Variants in BCAP29 observed in about 807,000 individuals in gnomAD.
BCAP29 encodes B-cell receptor-associated protein 29.
BCAP29 carries 34 observed loss-of-function variants against 31.8 expected under a neutral mutation model. That is an observed-to-expected ratio of 1.07 (90% CI 0.81 to 1.42). The LOEUF (loss-of-function observed/expected upper bound fraction) is 1.42, where lower values mean the gene tolerates loss of function less well. BCAP29 is among the 40% of genes most tolerant of loss of function. The pLI is 0.00. For missense variants in BCAP29, 314 were observed against 269.2 expected (o/e 1.17, Z -1.16); for synonymous variants, 104 against 91.3 (o/e 1.14, Z -0.79).
chr7:107,598,137 A>G (rs894739502), intron 5 of BCAP29, among the ~76,000 whole-genome samples: 2 of 152,222 alleles, frequency 1.3e-5, no homozygotes, highest in African/African-American at 4.8e-5. Flanking sequence ...TTCCAAGTCA[A>G]TGGCATGAAA....
At chr7:107,588,915 G>A (rs1808209199) in intron 3 of BCAP29, among the ~76,000 whole-genome samples, 1 of 152,186 alleles carries the variant, frequency 6.6e-6, no homozygotes, top group Non-Finnish European at 1.5e-5. Context: ...GCAAGGCTGA[G>A]AAGAAATTTT....
chr7:107,602,862 A>G (rs1203821791), intron 6 of BCAP29, among the ~76,000 whole-genome samples: 1 of 151,882 alleles, frequency 6.6e-6, no homozygotes, highest in Non-Finnish European at 1.5e-5. Context: ...TAGCACAGAC[A>G]TTGCATTTAG....
intron 6 of BCAP29, among the ~76,000 whole-genome samples, chr7:107,606,971 A>G (rs1040096862): frequency 2.0e-5 from 3 of 152,212 alleles, no homozygotes; most frequent in Non-Finnish European, 4.4e-5. Context: ...GAAAAAGAGC[A>G]GTCTCCTGAG....
chr7:107,610,079 G>A (rs1309030875), intron 6 of BCAP29, among the ~76,000 whole-genome samples: 1 of 152,156 alleles, frequency 6.6e-6, no homozygotes, highest in Non-Finnish European at 1.5e-5. Flanking sequence ...AAATAGTTCC[G>A]TAAGTGAACG....
At chr7:107,607,532 T>C (rs576261425) in intron 6 of BCAP29, among the ~76,000 whole-genome samples, 1 of 152,074 alleles carries the variant, frequency 6.6e-6, no homozygotes, top group African/African-American at 2.4e-5. Context: ...TTTTACTATA[T>C]CATATTATTA....
At position 107,618,696 on chromosome 7, in the gene BCAP29, G is replaced by T; in HGVS notation, c.*333G>T. The T allele has an allele frequency of 1.0e-6, 1 of 998,494 alleles. No individual in the cohort carries two copies. Among genetic ancestry groups the T allele is most frequent in the Non-Finnish European group, 1.4e-6 (1 of 690,504 alleles). 61.9% of individuals were successfully genotyped at this position (998,494 alleles called of 1,614,324 possible). On this transcript the variant is annotated 3_prime_UTR_variant, in exon 8 of 8. Coordinates refer to ENST00000005259, the MANE Select transcript of BCAP29 (RefSeq NM_018844.4). ...CAAAATTAGAAGTTTTAAGTTGCATGAAACCATTAATAGCCTTGAAAGCTT... is the reference window on the plus strand; with the variant it reads ...CAAAATTAGAAGTTTTAAGTTGCATTAAACCATTAATAGCCTTGAAAGCTT...
rs189218179 is a variant in BCAP29 at position 107,610,840 on chromosome 7, A to G, written c.590-2492A>G. 5.3e-4 allele frequency among the ~76,000 whole-genome samples: 80 copies of G among 152,334 alleles called. 1 individual carries two copies. The highest frequency in any genetic ancestry group is 1.8e-3 in the African/African-American group (74 of 41,572). On this transcript the variant is annotated intron_variant, in intron 6 of 7. Transcript: ENST00000005259. ...ATTAAATTTATTAAATAACTTCTTA[A>G]TGTCAGAAATTCAAGTATAAATTGT...
intron 3 of BCAP29, among the ~76,000 whole-genome samples, chr7:107,589,239 C>T (rs376914303): frequency 3.9e-5 from 6 of 152,074 alleles, no homozygotes; most frequent in Admixed American, 6.6e-5. Context: ...GGGATGGTTT[C>T]GGGATGATTC....
chr7:107,600,539 C>G, intron 6 of BCAP29, 34 bp downstream of exon 6: 1 of 1,304,984 alleles, frequency 7.7e-7, no homozygotes, highest in Non-Finnish European at 1.1e-6. Flanking sequence ...AGTAAAAAGA[C>G]TAGCATGATA....
chr7:107,615,104 G>A (rs557579929), intron 7 of BCAP29: 117 of 417,074 alleles, frequency 2.8e-4, no homozygotes, highest in Non-Finnish European at 4.6e-4. Context: ...AGTTTCTTAT[G>A]GCCAGTGTCC....
chr7:107,599,053 A>G (rs1279588576), intron 5 of BCAP29, among the ~76,000 whole-genome samples: 2 of 135,586 alleles, frequency 1.5e-5, no homozygotes, highest in African/African-American at 5.6e-5. Context: ...TATATATAAA[A>G]TATATTTATA....
chr7:107,593,915 G>C, intron 3 of BCAP29, 40 bp from the exon 4 acceptor site: 2 of 1,541,358 alleles, frequency 1.3e-6, no homozygotes, highest in Non-Finnish European at 1.7e-6. Context: ...GCTTATATTC[G>C]TAAAAGCCAA....
intron 6 of BCAP29, among the ~76,000 whole-genome samples, chr7:107,604,340 C>T (rs1381901199): frequency 1.3e-5 from 2 of 151,946 alleles, no homozygotes; most frequent in Non-Finnish European, 2.9e-5. Flanking sequence ...AGTGTTTTTC[C>T]AGAGAAATTG....
intron 3 of BCAP29, chr7:107,587,663 A>G (rs985837530): frequency 1.3e-5 from 2 of 152,186 alleles, no homozygotes; most frequent in African/African-American, 4.8e-5. Flanking sequence ...TTAAGAGACT[A>G]CTTTATATAA....
At chr7:107,590,192 T>A (rs1434408342) in intron 3 of BCAP29, among the ~76,000 whole-genome samples, 1 of 152,216 alleles carries the variant, frequency 6.6e-6, no homozygotes, top group African/African-American at 2.4e-5. Flanking sequence ...AAATCGGTGA[T>A]TTTAGTTTCC....
intron 6 of BCAP29, among the ~76,000 whole-genome samples, chr7:107,610,702 G>A (rs1431140659): frequency 6.6e-6 from 1 of 152,106 alleles, no homozygotes; most frequent in African/African-American, 2.4e-5. Flanking sequence ...GTCTGCATTT[G>A]TTCCGTTAAT....
chr7:107,587,540 C>T (rs1318813295), intron 3 of BCAP29: 1 of 151,934 alleles, frequency 6.6e-6, no homozygotes, highest in Non-Finnish European at 1.5e-5. Flanking sequence ...TATATATTAT[C>T]TTTGTTGGTT....
chr7:107,595,691 G>C (rs1183899044), intron 4 of BCAP29, 176 bp from the exon 5 acceptor site: 5 of 539,872 alleles, frequency 9.3e-6, no homozygotes, highest in Non-Finnish European at 1.5e-5. Flanking sequence ...AAAGGAATGA[G>C]ACACGGGCCT....
rs745951250 is a variant in BCAP29, at chr7:107,600,463, G to T, written c.547G>T (p.Asp183Tyr). 6.2e-7 allele frequency: 1 copy of T among 1,610,492 alleles called. No individual in the cohort carries two copies. The highest frequency in any genetic ancestry group is 8.5e-7 in the Non-Finnish European group (1 of 1,177,854). Residue 183 changes from aspartate (D) to tyrosine (Y), a missense_variant, in exon 6 of 8, where the codon GAC becomes TAC. Transcript: ENST00000005259. ...AGCAGAAAATAAAAAACTAGTAGAA[G>T]ACCAGGAGAAACTGAAAACTGAATT... ...LEAENKKLVEDQEKLKTELRK... is the reference protein window; with the variant it reads ...LEAENKKLVEYQEKLKTELRK...
Sources: gnomAD v4.1 joint callset for allele counts (sites outside exome capture counted in the v4.1 genomes callset) on GRCh38, gnomAD v4.1.1 for gene constraint, MANE v1.5 for transcripts, NCBI Gene and HGNC (gene_info 2026-07-23, HGNC 2026-07-21) for gene names.